The following SFTPD variants were observed in gnomAD, a reference collection of about 807,000 sequenced individuals.
The protein encoded by SFTPD is pulmonary surfactant-associated protein D.
A neutral mutation model predicts 34.6 loss-of-function variants in SFTPD; 18 were observed. The observed-to-expected ratio is 0.52, with a 90% confidence interval of 0.36 to 0.77. The LOEUF (loss-of-function observed/expected upper bound fraction) is 0.77. Ranked by LOEUF, SFTPD falls within the 30% of genes least tolerant of loss-of-function variation. SFTPD has a pLI of 0.00. For synonymous variants in SFTPD, 155 were observed against 180.9 expected (o/e 0.86, Z 1.15); for missense variants, 433 against 468.9 (o/e 0.92, Z 0.71).
chr10:79,942,854 T>TGC lies in SFTPD; in HGVS notation c.223_224dup (p.Gly76GlnfsTer55). 1 of 1,613,798 alleles carries TGC rather than the reference T, an allele frequency of 6.2e-7. No individual in the cohort carries two copies. The highest frequency in any genetic ancestry group is 2.2e-5 in the East Asian group (1 of 44,880). ...CTGGGCCAGCTTGTCCAGGCATCCC[T>TGC]GCTTGCCCTGCAGCTCCTGGCAAAC... On this transcript the variant is annotated frameshift_variant, in exon 3 of 8. Transcript: ENST00000372292. LOFTEE classifies it high-confidence loss of function.
At chr10:79,959,539 A>C (rs1375536402) in intron 1 of SFTPD, among the ~76,000 whole-genome samples, 1 of 152,216 alleles carries the variant, frequency 6.6e-6, no homozygotes, top group Admixed American at 6.5e-5. Flanking sequence ...AAGCTAGAAA[A>C]TCTGGAAGAA....
chr10:79,940,668 GC>G, intron 7 of SFTPD, 36 bp downstream of exon 7: 1 of 1,340,938 alleles, frequency 7.5e-7, no homozygotes, highest in Non-Finnish European at 1.1e-6. Flanking sequence ...GGGGCCCAAT[GC>G]CAGTGCTGGG....
Position 79,940,810 on chromosome 10 carries a change from AG to A in SFTPD, c.668-23del, listed in dbSNP as rs773352133. 3 of 1,531,286 alleles carry A rather than the reference AG, an allele frequency of 2.0e-6. No homozygotes were observed. The African/African-American group carries it at 4.1e-5, about 21-fold the overall frequency. 94.9% of individuals were successfully genotyped at this position (1,531,286 alleles called of 1,614,324 possible). ...ACATCTGGAGGGGAGAAAATGGCCA[AG>A]TAAAGACTTGTCCAGAGAGCGAAGG... is the stretch of plus-strand genomic sequence containing the variant. On this transcript the variant is annotated intron_variant, in intron 6 of 7. Transcript: ENST00000372292.
At chr10:79,959,330 C>A (rs1227061396) in intron 1 of SFTPD, among the ~76,000 whole-genome samples, 1 of 151,762 alleles carries the variant, frequency 6.6e-6, no homozygotes, top group East Asian at 1.9e-4. Context: ...CACAAAAAAC[C>A]CTTCAAAAAA....
At chr10:79,973,875 A>G (rs113252409) in intron 1 of SFTPD, among the ~76,000 whole-genome samples, 1 of 152,166 alleles carries the variant, frequency 6.6e-6, no homozygotes, top group African/African-American at 2.4e-5. Context: ...ATTATGCCAA[A>G]GGGTTTCTTT....
At chr10:79,944,396 G>C (rs1324358319) in intron 2 of SFTPD, among the ~76,000 whole-genome samples, 1 of 152,218 alleles carries the variant, frequency 6.6e-6, no homozygotes, top group African/African-American at 2.4e-5. Context: ...GTTTTTGGTA[G>C]GGTGGTCGGG....
intron 3 of SFTPD, 43 bp from the exon 4 acceptor site, chr10:79,942,547 T>C: frequency 7.5e-7 from 1 of 1,331,332 alleles, no homozygotes; most frequent in East Asian, 2.3e-5. Context: ...TGAATCCTCT[T>C]GGCAGGAGGA....
chr10:79,939,550 C>T (rs1359581173), intron 7 of SFTPD, among the ~76,000 whole-genome samples: 24 of 152,126 alleles, frequency 1.6e-4, no homozygotes, highest in Admixed American at 1.5e-3. Flanking sequence ...AACATATGAG[C>T]TCATGTATGT....
intron 3 of SFTPD, 129 bp from the exon 4 acceptor site, chr10:79,942,633 G>A (rs1842625684): frequency 1.1e-6 from 1 of 917,614 alleles, no homozygotes; most frequent in South Asian, 1.4e-5. Context: ...GGTCCCATCT[G>A]TCCTGAAATG....
chr10:79,980,684 A>G (rs1441902478), intron 1 of SFTPD, among the ~76,000 whole-genome samples: 1 of 152,260 alleles, frequency 6.6e-6, no homozygotes, highest in Non-Finnish European at 1.5e-5. Flanking sequence ...CTGGTAATCC[A>G]GGGACTTCTC....
chr10:79,942,452 C>G lies in SFTPD; in HGVS notation c.369G>C (p.Leu123=), dbSNP rs775865011. The part of the protein sequence containing the change: ...VPGPAGREGP[L]GKQGNIGPQG... ...GAGGTCCTATGTTCCCCTGCTTCCC[C>G]AGGGGACCTTCTCTTCCAGCTGGAC... The change falls in exon 4 of 8, where the codon CTG becomes CTC. Residue 123 remains leucine, a synonymous_variant. Transcript: ENST00000372292. The G allele has an allele frequency of 6.2e-7, 1 of 1,613,672 alleles. No individual in the cohort carries two copies. Among genetic ancestry groups the G allele is most frequent in the Non-Finnish European group, 8.5e-7 (1 of 1,179,642 alleles).
Position 79,942,435 on chromosome 10 carries a change from A to G in SFTPD, c.386T>C (p.Ile129Thr), listed in dbSNP as rs1217694926. Residue 129 changes from isoleucine (I) to threonine (T), a missense_variant, in exon 4 of 8, where the codon ATA becomes ACA. Coordinates refer to ENST00000372292, the MANE Select transcript of SFTPD (RefSeq NM_003019.5). ...REGPLGKQGN[I>T]GPQGKPGPKG... ...TGGGCCTGGCTTGCCCTGAGGTCCT[A>G]TGTTCCCCTGCTTCCCCAGGGGACC... is the stretch of plus-strand genomic sequence containing the variant. 14 of 1,613,378 alleles carry G rather than the reference A, an allele frequency of 8.7e-6. No homozygotes were observed. In the East Asian group the frequency reaches 1.6e-4, roughly 18 times the overall value.
intron 1 of SFTPD, among the ~76,000 whole-genome samples, chr10:79,947,674 AG>A (rs1272773665): frequency 2.6e-5 from 4 of 152,120 alleles, no homozygotes; most frequent in African/African-American, 4.8e-5. Context: ...TGGGCAAGAG[AG>A]TGAGACTCCA....
chr10:79,978,557 T>C (rs28715525), intron 1 of SFTPD, among the ~76,000 whole-genome samples: 8,905 of 141,158 alleles, frequency 0.063, 579 homozygotes, highest in East Asian at 0.42. Flanking sequence ...GAGGCTGAGG[T>C]GGGAGGATCA....
At chr10:79,953,583 A>T (rs957713051), upstream of SFTPD, among the ~76,000 whole-genome samples, 3 of 151,486 alleles carry the variant, frequency 2.0e-5, no homozygotes, top group Non-Finnish European at 4.4e-5. Flanking sequence ...TTTGTATTTG[A>T]CTTTGGACAA....
At chr10:79,940,036 C>T (rs1296805995) in intron 7 of SFTPD, among the ~76,000 whole-genome samples, 1 of 152,146 alleles carries the variant, frequency 6.6e-6, no homozygotes, top group African/African-American at 2.4e-5. Context: ...AGCAGCCTGC[C>T]CCCTATTTGA....
chr10:79,941,857 T>C (rs1842615294), intron 5 of SFTPD, 97 bp downstream of exon 5: 3 of 802,362 alleles, frequency 3.7e-6, no homozygotes, highest in Non-Finnish European at 4.3e-6. Context: ...ATACCACCTC[T>C]GCCTTTGTGG....
intron 1 of SFTPD, among the ~76,000 whole-genome samples, chr10:79,974,949 TA>T (rs1307703835): frequency 4.6e-5 from 7 of 152,190 alleles, no homozygotes; most frequent in Admixed American, 3.9e-4. Flanking sequence ...AAGTATCCCT[TA>T]TGGGAAACAA....
chr10:79,967,863 T>G (rs1842811581), intron 1 of SFTPD, among the ~76,000 whole-genome samples: 1 of 151,858 alleles, frequency 6.6e-6, no homozygotes, highest in South Asian at 2.1e-4. Flanking sequence ...ATGAGCACCT[T>G]GTGACCCCCG....
Sources: allele counts gnomAD v4.1 joint callset (sites outside exome capture counted in the v4.1 genomes callset), GRCh38; gene constraint gnomAD v4.1.1; transcripts MANE v1.5; gene names NCBI Gene and HGNC (gene_info 2026-07-23, HGNC 2026-07-21).